Variants in STXBP5 observed in about 807,000 individuals in gnomAD.
STXBP5 encodes the protein syntaxin binding protein 5.
STXBP5 carries 50 observed loss-of-function variants against 152.4 expected under a neutral mutation model. The observed-to-expected ratio is 0.33, with a 90% CI of 0.26 to 0.42. STXBP5 has a LOEUF of 0.42. Ranked by LOEUF, STXBP5 falls within the 10% of genes least tolerant of loss-of-function variation. The pLI, the probability that STXBP5 is intolerant of heterozygous loss-of-function variation, is 1.00. For synonymous variants in STXBP5, 492 were observed against 494.7 expected (o/e 0.99, Z 0.07); for missense variants, 1,167 against 1,388.6 (o/e 0.84, Z 2.54).
At chr6:147,293,776 TTTTC>T (rs1781390220) in intron 9 of STXBP5, among the ~76,000 whole-genome samples, 1 of 152,202 alleles carries the variant, frequency 6.6e-6, no homozygotes, top group Non-Finnish European at 1.5e-5. Flanking sequence ...ATGCAGTACT[TTTTC>T]TTTCTACAAC....
At chr6:147,329,086 A>G (rs1245425759) in intron 18 of STXBP5, among the ~76,000 whole-genome samples, 2 of 151,938 alleles carry the variant, frequency 1.3e-5, no homozygotes, top group Admixed American at 1.3e-4. Flanking sequence ...AAATTACACT[A>G]TCCATAAAAT....
intron 21 of STXBP5, among the ~76,000 whole-genome samples, chr6:147,343,923 T>G (rs962645504): frequency 5.3e-5 from 8 of 152,156 alleles, no homozygotes; most frequent in Admixed American, 5.2e-4. Flanking sequence ...GATGCTCAGT[T>G]TGAAAGGGAT....
At chr6:147,314,743 G>T in intron 14 of STXBP5, 107 bp downstream of exon 14, 1 of 789,522 alleles carries the variant, frequency 1.3e-6, no homozygotes, top group South Asian at 3.0e-5. Flanking sequence ...GAAATGTAGA[G>T]GTTATAAATT....
intron 8 of STXBP5, among the ~76,000 whole-genome samples, chr6:147,289,288 T>C (rs567564867): frequency 1.3e-3 from 194 of 152,336 alleles, no homozygotes; most frequent in African/African-American, 4.6e-3. Context: ...GAAGTTGATC[T>C]TTTTGGTAGT....
chr6:147,272,665 T>C (rs975840906), intron 7 of STXBP5, among the ~76,000 whole-genome samples: 3 of 152,182 alleles, frequency 2.0e-5, no homozygotes, highest in Non-Finnish European at 4.4e-5. Context: ...TTCAGTGGTA[T>C]ATTACTGTAT....
intron 16 of STXBP5, among the ~76,000 whole-genome samples, chr6:147,319,397 A>G (rs560271039): frequency 1.7e-4 from 26 of 152,356 alleles, no homozygotes; most frequent in Non-Finnish European, 3.4e-4. Flanking sequence ...ATAGTAAAAC[A>G]CTAGATGAAT....
chr6:147,362,355 C>G (rs1785105617), intron 23 of STXBP5, among the ~76,000 whole-genome samples: 1 of 152,102 alleles, frequency 6.6e-6, no homozygotes, highest in Non-Finnish European at 1.5e-5. Context: ...TCTTTAAGAA[C>G]TGAATGCTAA....
chr6:147,303,454 C>A (rs923696966), intron 9 of STXBP5, among the ~76,000 whole-genome samples: 2 of 152,196 alleles, frequency 1.3e-5, no homozygotes, highest in African/African-American at 2.4e-5. Flanking sequence ...GTCAATTAAA[C>A]CTCTTTTCTT....
intron 9 of STXBP5, among the ~76,000 whole-genome samples, chr6:147,300,633 C>A (rs763703796): frequency 2.0e-5 from 3 of 152,056 alleles, no homozygotes; most frequent in Admixed American, 6.5e-5. Context: ...ACACTCCTTT[C>A]ACCAAACACA....
At chr6:147,324,539 G>T (rs1369033266) in intron 16 of STXBP5, among the ~76,000 whole-genome samples, 1 of 151,694 alleles carries the variant, frequency 6.6e-6, no homozygotes, top group Non-Finnish European at 1.5e-5. Flanking sequence ...CAAAGTGCTG[G>T]GATTACAGGC....
chr6:147,267,003 G>C, intron 6 of STXBP5, 81 bp from the exon 7 acceptor site: 1 of 1,108,766 alleles, frequency 9.0e-7, no homozygotes, highest in South Asian at 1.3e-5. Flanking sequence ...TTGAATGATA[G>C]TAGTTATTTT....
chr6:147,229,466 TTGG>T (rs1008026220), intron 2 of STXBP5, among the ~76,000 whole-genome samples: 1 of 151,934 alleles, frequency 6.6e-6, no homozygotes, highest in Non-Finnish European at 1.5e-5. Context: ...TTATATCAGT[TTGG>T]TGATTACTGC....
intron 7 of STXBP5, among the ~76,000 whole-genome samples, chr6:147,277,394 G>A (rs1422509369): frequency 6.6e-6 from 1 of 152,042 alleles, no homozygotes; most frequent in African/African-American, 2.4e-5. Flanking sequence ...TTCAAAGGAC[G>A]CATGGGAGAG....
chr6:147,231,720 A>G (rs1027854552), intron 2 of STXBP5, among the ~76,000 whole-genome samples: 1 of 151,836 alleles, frequency 6.6e-6, no homozygotes, highest in Non-Finnish European at 1.5e-5. Flanking sequence ...GTTTTTCTTC[A>G]TTTTAGTTTC....
At chr6:147,380,646 A>G (rs1434013056) in intron 26 of STXBP5, among the ~76,000 whole-genome samples, 1 of 132,496 alleles carries the variant, frequency 7.5e-6, no homozygotes, top group Non-Finnish European at 1.6e-5. Context: ...CAACCAAAGG[A>G]AAAAAAAAAG....
At chr6:147,233,804 G>T (rs969035983) in intron 2 of STXBP5, among the ~76,000 whole-genome samples, 4 of 150,802 alleles carry the variant, frequency 2.7e-5, no homozygotes, top group Non-Finnish European at 4.4e-5. Flanking sequence ...TTGTATTTGA[G>T]CAACTGGTAT....
chr6:147,257,293 T>C lies in STXBP5; in HGVS notation c.432-3322T>C, dbSNP rs909980638. Among the ~76,000 whole-genome samples the C allele has an allele frequency of 1.2e-4, 18 of 151,768 alleles. 1 individual carries two copies. Among genetic ancestry groups the C allele is most frequent in the African/African-American group, 4.1e-4 (17 of 41,348 alleles). On this transcript the variant is annotated intron_variant, in intron 4 of 27. Coordinates refer to ENST00000321680, the MANE Select transcript of STXBP5 (RefSeq NM_001127715.4). ...ATTGTTTCAATCATTTTCTTTTCTC[T>C]TGGTTCAGCTTATCCATTTTAAGGT...
intron 4 of STXBP5, among the ~76,000 whole-genome samples, chr6:147,251,433 A>G (rs1257727554): frequency 1.3e-5 from 2 of 152,122 alleles, no homozygotes; most frequent in Admixed American, 6.6e-5. Context: ...GAATGCCAGC[A>G]AGACAGAACC....
At chr6:147,227,218 A>G (rs181319542) in intron 2 of STXBP5, among the ~76,000 whole-genome samples, 2 of 152,270 alleles carry the variant, frequency 1.3e-5, no homozygotes, top group African/African-American at 2.4e-5. Context: ...AAACCCACTA[A>G]TTCTATGTCT....
Sources: gnomAD v4.1 joint callset for allele counts (sites outside exome capture counted in the v4.1 genomes callset) on GRCh38, gnomAD v4.1.1 for gene constraint, MANE v1.5 for transcripts, NCBI Gene and HGNC (gene_info 2026-07-23, HGNC 2026-07-21) for gene names.